Variants in SGK3 observed in about 807,000 individuals in gnomAD.
SGK3 encodes the protein serum/glucocorticoid regulated kinase family member 3.
In SGK3, 47 loss-of-function variants were observed where a neutral mutation model predicts 68.5. That is an observed-to-expected ratio of 0.69 (90% CI 0.54 to 0.87). The LOEUF is 0.87. Ranked by LOEUF, SGK3 falls within the 40% of genes least tolerant of loss-of-function variation. SGK3 has a pLI of 0.00. For synonymous variants in SGK3, 181 were observed against 189.1 expected, an observed-to-expected ratio of 0.96 and a Z score of 0.35; for missense variants, 479 against 575.5, an observed-to-expected ratio of 0.83 and a Z score of 1.72.
intron 15 of SGK3, among the ~76,000 whole-genome samples, chr8:66,850,040 G>T (rs1459741424): frequency 3.3e-5 from 5 of 152,128 alleles, no homozygotes; most frequent in Non-Finnish European, 7.3e-5. Flanking sequence ...ATATGATACA[G>T]CCAGTTTAGC....
chr8:66,803,951 C>T (rs912550312), intron 3 of SGK3, among the ~76,000 whole-genome samples: 5 of 152,056 alleles, frequency 3.3e-5, no homozygotes, highest in Non-Finnish European at 7.4e-5. Context: ...TCAATCTATT[C>T]ATGTAGAGAA....
At chr8:66,734,596 C>G (rs921054242) in intron 1 of SGK3, among the ~76,000 whole-genome samples, 4 of 152,032 alleles carry the variant, frequency 2.6e-5, no homozygotes, top group African/African-American at 9.7e-5. Flanking sequence ...ACAGTACTCC[C>G]CCTTATCCAT....
rs1810728704 is a variant in SGK3, at chr8:66,860,975, T to A, written c.*1394T>A. On this transcript the variant is annotated 3_prime_UTR_variant, in exon 17 of 17. Coordinates refer to ENST00000521198, the MANE Select transcript of SGK3 (RefSeq NM_001033578.3). ...CTATCTCTACAAAAAATACAAAAAT[T>A]AGCCAGACATGGTGGCACATGCCTT... 1 of 151,866 alleles carries A rather than the reference T, an allele frequency of 6.6e-6. No individual in the cohort carries two copies. Among genetic ancestry groups the A allele is most frequent in the South Asian group, 2.1e-4 (1 of 4,816 alleles). 9.4% of individuals were successfully genotyped at this position (151,866 alleles called of 1,614,324 possible). A position where few individuals can be genotyped will look rare whatever the true frequency, so the allele number is the denominator to read the frequency against.
rs758888281 is a variant in SGK3 at position 66,793,689 on chromosome 8, C to T, written c.-48C>T. On this transcript the variant is annotated 5_prime_UTR_variant, in exon 2 of 17. Transcript: ENST00000521198. The stretch of plus-strand genomic sequence containing the variant: ...ATTAGTTAATTGGGTTTGTCCTCTG[C>T]TGACTGTTTCTTCGGATGCATTTTT... The T allele has an allele frequency of 6.3e-7, 1 of 1,580,596 alleles. No homozygotes were observed. The highest frequency in any genetic ancestry group is 1.7e-5 in the Admixed American group (1 of 57,868).
chr8:66,756,334 T>A (rs1805971092), intron 1 of SGK3, among the ~76,000 whole-genome samples: 1 of 151,830 alleles, frequency 6.6e-6, no homozygotes, highest in Admixed American at 6.6e-5. Context: ...GCAAACTATA[T>A]ACCAAACAAA....
At chr8:66,796,321 ATTTT>A (rs71249408) in intron 2 of SGK3, among the ~76,000 whole-genome samples, 60 of 41,352 alleles carry the variant, frequency 1.5e-3, no homozygotes, top group African/African-American at 4.6e-3. Flanking sequence ...TATTTTTTGT[ATTTT>A]TTTTTTTTTT....
intron 1 of SGK3, among the ~76,000 whole-genome samples, chr8:66,775,856 C>G (rs1806687344): frequency 6.6e-6 from 1 of 151,882 alleles, no homozygotes. Context: ...GAGCTAAAAT[C>G]ATGGTTTTGA....
At chr8:66,811,604 C>G (rs1271659969) in intron 4 of SGK3, among the ~76,000 whole-genome samples, 1 of 152,130 alleles carries the variant, frequency 6.6e-6, no homozygotes, top group East Asian at 1.9e-4. Context: ...GATTTTGAAA[C>G]TGTTTAGTCA....
intron 6 of SGK3, among the ~76,000 whole-genome samples, chr8:66,825,181 A>G (rs897457367): frequency 1.3e-5 from 2 of 152,050 alleles, no homozygotes; most frequent in Non-Finnish European, 2.9e-5. Flanking sequence ...TTTAAATCTG[A>G]GTTTTGTTCC....
chr8:66,815,176 A>G (rs1177876524), intron 5 of SGK3, among the ~76,000 whole-genome samples: 1 of 152,228 alleles, frequency 6.6e-6, no homozygotes. Context: ...AGGCCCTCTG[A>G]TCTGCTTTTT....
rs142291313 is a variant in SGK3 at position 66,851,332 on chromosome 8, G to A, written c.1320+412G>A. On this transcript the variant is annotated intron_variant, in intron 16 of 16. Coordinates refer to ENST00000521198, the MANE Select transcript of SGK3 (RefSeq NM_001033578.3). ...AGTTCAAAACCAGCCTGGCCAACAT[G>A]GCGAAACCCTGTCTCTACTAAAAAT... 2.2e-4 allele frequency among the ~76,000 whole-genome samples: 33 copies of A among 152,060 alleles called. No homozygotes were observed. The East Asian group carries it at 5.8e-3, about 27-fold the overall frequency.
chr8:66,845,818 G>A (rs6651278), intron 14 of SGK3, among the ~76,000 whole-genome samples: 19,734 of 151,466 alleles, frequency 0.13, 2,455 homozygotes, highest in African/African-American at 0.32. Flanking sequence ...TCAGCCTCCC[G>A]AAGTGCTGGG....
intron 1 of SGK3, among the ~76,000 whole-genome samples, chr8:66,750,753 C>T (rs1045397028): frequency 6.6e-6 from 1 of 151,522 alleles, no homozygotes; most frequent in Non-Finnish European, 1.5e-5. Context: ...ACCTGTAATC[C>T]CAGCACTTTG....
rs1479246433 is a variant in SGK3, at chr8:66,859,665, TGTATAACTA to T, written c.*87_*95del. The T allele has an allele frequency of 9.6e-5, 130 of 1,359,558 alleles. 1 individual carries two copies. In the East Asian group the frequency reaches 3.1e-3, roughly 33 times the overall value. 84.2% of individuals were successfully genotyped at this position (1,359,558 alleles called of 1,614,324 possible). On this transcript the variant is annotated 3_prime_UTR_variant, in exon 17 of 17. Transcript: ENST00000521198. ...CTATTTGTGTGAATATATTCAAATA[TGTATAACTA>T]GTGCCTCATTTTTATATGTAATGAT...
chr8:66,815,519 G>A (rs990902983), intron 5 of SGK3, among the ~76,000 whole-genome samples: 2 of 152,046 alleles, frequency 1.3e-5, no homozygotes, highest in Non-Finnish European at 2.9e-5. Context: ...GGGGATATAC[G>A]CTATGCTATC....
intron 1 of SGK3, among the ~76,000 whole-genome samples, chr8:66,783,665 A>G (rs1585710382): frequency 1.3e-5 from 2 of 152,008 alleles, no homozygotes; most frequent in East Asian, 3.9e-4. Context: ...TTACAGGTGC[A>G]TACCATCATG....
chr8:66,757,129 A>ATT (rs796848968), intron 1 of SGK3, among the ~76,000 whole-genome samples: 2,378 of 107,014 alleles, frequency 0.022, 115 homozygotes, highest in African/African-American at 0.075. Context: ...CTCAGGCCCT[A>ATT]TTTTTTTTTT....
At chr8:66,858,345 A>G (rs1426969052) in intron 16 of SGK3, among the ~76,000 whole-genome samples, 2 of 152,012 alleles carry the variant, frequency 1.3e-5, no homozygotes, top group Non-Finnish European at 2.9e-5. Context: ...GGGCGCCTGT[A>G]GTCCCAGCTA....
At chr8:66,822,040 G>C (rs1808856264) in intron 5 of SGK3, among the ~76,000 whole-genome samples, 1 of 147,414 alleles carries the variant, frequency 6.8e-6, no homozygotes, top group Non-Finnish European at 1.5e-5. Context: ...CTTTTGCCAG[G>C]TAACGGACAT....
Sources: gnomAD v4.1 joint callset for allele counts (sites outside exome capture counted in the v4.1 genomes callset) on GRCh38, gnomAD v4.1.1 for gene constraint, MANE v1.5 for transcripts, NCBI Gene and HGNC (gene_info 2026-07-23, HGNC 2026-07-21) for gene names.